CACNA2D3: variants seen among roughly 807,000 people sequenced by gnomAD.
CACNA2D3 encodes voltage-dependent calcium channel subunit alpha-2/delta-3.
In CACNA2D3, 60 loss-of-function variants were observed where a neutral mutation model predicts 160.6. That is an observed-to-expected ratio of 0.37 (90% CI 0.30 to 0.46). CACNA2D3 has a LOEUF of 0.46. CACNA2D3 is among the 20% of genes least tolerant of loss of function. The pLI is 1.00. For synonymous variants in CACNA2D3, 558 were observed against 492.9 expected, an observed-to-expected ratio of 1.13 and a Z score of -1.75; for missense variants, 1,205 against 1,365.0, an observed-to-expected ratio of 0.88 and a Z score of 1.85.
At chr3:54,863,118 T>A (rs1699327398) in intron 17 of CACNA2D3, among the ~76,000 whole-genome samples, 1 of 152,234 alleles carries the variant, frequency 6.6e-6, no homozygotes, top group South Asian at 2.1e-4. Flanking sequence ...TTCTGAAAAC[T>A]TTTATGAACT....
intron 35 of CACNA2D3, among the ~76,000 whole-genome samples, chr3:55,039,587 C>T (rs1703914111): frequency 6.6e-6 from 1 of 152,176 alleles, no homozygotes; most frequent in African/African-American, 2.4e-5. Context: ...TCAACTTGGT[C>T]CTTGTGACCT....
chr3:54,802,231 A>C (rs1368932077), intron 13 of CACNA2D3, among the ~76,000 whole-genome samples: 1 of 152,126 alleles, frequency 6.6e-6, no homozygotes, highest in Non-Finnish European at 1.5e-5. Flanking sequence ...CCCACATTTA[A>C]AGAGCTAGAG....
At chr3:54,781,228 C>A (rs778879570) in intron 13 of CACNA2D3, among the ~76,000 whole-genome samples, 1 of 152,248 alleles carries the variant, frequency 6.6e-6, no homozygotes, top group Non-Finnish European at 1.5e-5. Flanking sequence ...ACAGTACATA[C>A]ATTCACAGAG....
intron 31 of CACNA2D3, among the ~76,000 whole-genome samples, chr3:54,989,822 A>G (rs2107112323): frequency 6.6e-6 from 1 of 152,290 alleles, no homozygotes; most frequent in East Asian, 1.9e-4. Flanking sequence ...TGCTTCATCT[A>G]CATTTACACG....
chr3:54,802,821 G>C (rs1010935609), intron 13 of CACNA2D3, among the ~76,000 whole-genome samples: 1 of 152,146 alleles, frequency 6.6e-6, no homozygotes, highest in Non-Finnish European at 1.5e-5. Context: ...AGTAGGGGCA[G>C]ACTGACATCT....
At chr3:54,478,600 C>G (rs1291751782) in intron 4 of CACNA2D3, among the ~76,000 whole-genome samples, 3 of 56,250 alleles carry the variant, frequency 5.3e-5, no homozygotes, top group Non-Finnish European at 1.2e-4. Context: ...CCACTGCACT[C>G]CAGCCTGGGC....
chr3:54,943,413 T>C (rs1172631034), intron 27 of CACNA2D3, among the ~76,000 whole-genome samples: 1 of 152,200 alleles, frequency 6.6e-6, no homozygotes, highest in Non-Finnish European at 1.5e-5. Context: ...CATGGTGCTT[T>C]GGACTTTTTA....
chr3:54,261,971 G>T (rs1328412168), intron 2 of CACNA2D3, among the ~76,000 whole-genome samples: 1 of 152,168 alleles, frequency 6.6e-6, no homozygotes, highest in African/African-American at 2.4e-5. Context: ...AAGGCAGGAG[G>T]CTCTTTGCAG....
intron 13 of CACNA2D3, among the ~76,000 whole-genome samples, chr3:54,790,721 G>T (rs190684286): frequency 1.3e-5 from 2 of 152,140 alleles, no homozygotes; most frequent in Non-Finnish European, 2.9e-5. Context: ...ATTGTCACTC[G>T]CACCTCTGGA....
chr3:54,686,441 G>A lies in CACNA2D3; in HGVS notation c.1167+44200G>A, dbSNP rs372689689. On this transcript the variant is annotated intron_variant, in intron 11 of 37. Transcript: ENST00000474759. ...TCTATCTCAAGATTCATGGTCAAAG[G>A]TTAAAGTAATGTTAAGACTGAATCT... Among the ~76,000 whole-genome samples, 22 of 152,290 alleles carry A rather than the reference G, an allele frequency of 1.4e-4. No individual in the cohort carries two copies. In the East Asian group the frequency reaches 3.9e-3, roughly 27 times the overall value.
intron 27 of CACNA2D3, among the ~76,000 whole-genome samples, chr3:54,942,676 G>A (rs1312865084): frequency 1.3e-5 from 2 of 151,982 alleles, no homozygotes; most frequent in African/African-American, 2.4e-5. Context: ...ATCATTTGAG[G>A]ACAGGAGTTT....
intron 3 of CACNA2D3, among the ~76,000 whole-genome samples, chr3:54,374,923 T>C (rs1485657461): frequency 6.6e-6 from 1 of 152,302 alleles, no homozygotes; most frequent in East Asian, 1.9e-4. Context: ...CCAGCCTCCT[T>C]TCTCACTAGC....
At chr3:54,578,547 C>T (rs575882479) in intron 8 of CACNA2D3, among the ~76,000 whole-genome samples, 1 of 152,356 alleles carries the variant, frequency 6.6e-6, no homozygotes, top group South Asian at 2.1e-4. Flanking sequence ...GGCCTTAGTA[C>T]AGCTGCCTGG....
intron 2 of CACNA2D3, among the ~76,000 whole-genome samples, chr3:54,224,279 T>C (rs977136675): frequency 1.2e-5 from 1 of 84,688 alleles, no homozygotes; most frequent in Non-Finnish European, 2.7e-5. Context: ...TCCATTTAAC[T>C]TTTTTTTTTA....
intron 11 of CACNA2D3, among the ~76,000 whole-genome samples, chr3:54,719,867 T>G (rs1701136946): frequency 6.6e-6 from 1 of 152,022 alleles, no homozygotes. Context: ...TGATTCAGTT[T>G]TAGTAAGTTG....
intron 3 of CACNA2D3, among the ~76,000 whole-genome samples, chr3:54,350,986 G>GTTTTTTTTTTTTTTT (rs796392854): frequency 4.5e-5 from 3 of 65,952 alleles, no homozygotes; most frequent in Non-Finnish European, 6.0e-5. Context: ...TTTTTTGTTT[G>GTTTTTTTTTTTTTTT]TTTTTTTTTT....
At chr3:54,728,529 A>T (rs2107007398) in intron 11 of CACNA2D3, among the ~76,000 whole-genome samples, 1 of 152,214 alleles carries the variant, frequency 6.6e-6, no homozygotes, top group South Asian at 2.1e-4. Context: ...TAAGTCTATT[A>T]TCTCTTTCCT....
chr3:54,216,504 G>A (rs1011677306), intron 2 of CACNA2D3, among the ~76,000 whole-genome samples: 2 of 152,202 alleles, frequency 1.3e-5, no homozygotes, highest in African/African-American at 4.8e-5. Context: ...GTGTGTTAGG[G>A]ATGGGCTGTG....
intron 5 of CACNA2D3, among the ~76,000 whole-genome samples, chr3:54,555,943 G>A (rs1702235519): frequency 6.6e-6 from 1 of 152,162 alleles, no homozygotes; most frequent in African/African-American, 2.4e-5. Context: ...AGAATGGTTA[G>A]CTTAGGAAAA....
Sources: gnomAD v4.1 joint callset for allele counts (sites outside exome capture counted in the v4.1 genomes callset) on GRCh38, gnomAD v4.1.1 for gene constraint, MANE v1.5 for transcripts, NCBI Gene and HGNC (gene_info 2026-07-23, HGNC 2026-07-21) for gene names.